The following IL3RA variants were observed in gnomAD, a reference collection of about 807,000 sequenced individuals.
IL3RA encodes the protein interleukin-3 receptor subunit alpha.
IL3RA carries 73 observed loss-of-function variants against 52.3 expected under a neutral mutation model. The observed-to-expected ratio is 1.40, with a 90% confidence interval of 1.16 to 1.70. The LOEUF (loss-of-function observed/expected upper bound fraction) is 1.70. Among genes scored for constraint, IL3RA ranks in the 40% most tolerant of loss-of-function variants. The probability of loss-of-function intolerance (pLI) is 0.00; values close to 1 mark genes in which losing one functional copy is unlikely to be tolerated. For synonymous variants in IL3RA, 260 were observed against 194.0 expected, an observed-to-expected ratio of 1.34 and a Z score of -2.83; for missense variants, 664 against 504.4, an observed-to-expected ratio of 1.32 and a Z score of -3.03.
intron 6 of IL3RA, 75 bp from the exon 7 acceptor site, chrX:1,356,146 G>GAAA: frequency 1.1e-6 from 1 of 919,844 alleles, no homozygotes; most frequent in Non-Finnish European, 1.7e-6. Context: ...AGTATCTCCA[G>GAAA]AAAAAAAAAG....
At chrX:1,353,821 G>C (rs1274929225) in intron 6 of IL3RA, among the ~76,000 whole-genome samples, 4 of 137,582 alleles carry the variant, frequency 2.9e-5, no homozygotes, top group African/African-American at 8.6e-5. Context: ...CCCATCACGG[G>C]TTCCATCATG....
chrX:1,368,152 G>A (rs1288026273), intron 9 of IL3RA, among the ~76,000 whole-genome samples: 8 of 152,218 alleles, frequency 5.3e-5, no homozygotes, highest in Non-Finnish European at 4.4e-5. Context: ...CCAGCTACTC[G>A]GGAGGCTGAG....
intron 6 of IL3RA, among the ~76,000 whole-genome samples, chrX:1,352,775 G>C (rs1245471632): frequency 3.3e-5 from 5 of 152,126 alleles, no homozygotes; most frequent in African/African-American, 1.2e-4. Context: ...TGTTAGAAGG[G>C]CACTAACACC....
At chrX:1,355,080 A>AAGG (rs372236992) in intron 6 of IL3RA, among the ~76,000 whole-genome samples, 7,072 of 10,324 alleles carry the variant, frequency 0.69, 2,863 homozygotes, top group African/African-American at 0.9. Context: ...GGGGAGGAAA[A>AAGG]AGGAGGGGCA....
intron 1 of IL3RA, among the ~76,000 whole-genome samples, chrX:1,338,895 GT>G (rs1329560290): frequency 1.3e-5 from 2 of 152,112 alleles, no homozygotes; most frequent in Non-Finnish European, 2.9e-5. Context: ...CACCTCCCGG[GT>G]TCAAGCAATT....
At chrX:1,361,709 C>T (rs545814622) in intron 8 of IL3RA, among the ~76,000 whole-genome samples, 36 of 144,790 alleles carry the variant, frequency 2.5e-4, no homozygotes, top group East Asian at 8.1e-4. Context: ...GTTGAGATCG[C>T]GCCACTGCAC....
intron 9 of IL3RA, among the ~76,000 whole-genome samples, chrX:1,376,572 T>C (rs1412035454): frequency 7.3e-6 from 1 of 136,742 alleles, no homozygotes; most frequent in South Asian, 2.4e-4. Flanking sequence ...TGAGATGGAC[T>C]AAGACACCTC....
In IL3RA at chrX:1,341,754, G is replaced by A. The variant is rs1163708467; in HGVS notation, c.-12G>A. On this transcript the variant is annotated 5_prime_UTR_variant, in exon 2 of 12. Coordinates refer to ENST00000331035, the MANE Select transcript of IL3RA (RefSeq NM_002183.4). ...AGGCACCTCTGTCCTGCGTTCCGGA[G>A]CTGCGTTCCCGATGGTCCTCCTTTG... 1.2e-6 allele frequency: 2 copies of A among 1,613,820 alleles called. No individual in the cohort carries two copies. Among genetic ancestry groups the A allele is most frequent in the Admixed American group, 1.7e-5 (1 of 60,002 alleles).
At chrX:1,362,890 C>T (rs1407834238) in intron 8 of IL3RA, among the ~76,000 whole-genome samples, 2 of 152,070 alleles carry the variant, frequency 1.3e-5, no homozygotes, top group Non-Finnish European at 2.9e-5. Flanking sequence ...ATTCCCCTGC[C>T]TCAGCCTCCC....
rs747298173 is a variant in IL3RA, at chrX:1,365,283, AGCGGGGTGAGCGGGGTGC to A, written c.874+85_874+102del. The A allele has an allele frequency of 2.0e-3, 2,481 of 1,212,258 alleles. 91 individuals carry two copies. The highest frequency in any genetic ancestry group is 0.017 in the African/African-American group (828 of 47,796). The allele number at this position is 1,212,258 out of a possible 1,614,324, so 75.1% of individuals were successfully genotyped here. A position where few individuals can be genotyped will look rare whatever the true frequency, so the allele number is the denominator to read the frequency against. ...TGGGCTGTGCGGGGTGCGCGGGGTGAGCGGGGTGAGCGGGGTGCGCGGGGTGAGCGGGGTGCGCGGGGT... is the reference window on the plus strand; with the variant it reads ...TGGGCTGTGCGGGGTGCGCGGGGTGAGCGGGGTGAGCGGGGTGCGCGGGGT... On this transcript the variant is annotated intron_variant, in intron 9 of 11. Coordinates refer to ENST00000331035, the MANE Select transcript of IL3RA (RefSeq NM_002183.4).
chrX:1,365,108 C>T (rs1290151748), intron 8 of IL3RA, 30 bp from the exon 9 acceptor site: 5 of 1,535,024 alleles, frequency 3.3e-6, no homozygotes, highest in African/African-American at 2.7e-5. Flanking sequence ...CATACCTGGC[C>T]CCTCTTCTTT....
At chrX:1,377,137 A>G (rs113172772) in intron 9 of IL3RA, among the ~76,000 whole-genome samples, 5,260 of 147,026 alleles carry the variant, frequency 0.036, 258 homozygotes, top group African/African-American at 0.12. Flanking sequence ...CCCAGGAGAG[A>G]GGCCTCAGGA....
rs763407324 is a variant in IL3RA, at chrX:1,378,648, T to A, written c.875-11T>A. The A allele has an allele frequency of 8.1e-6, 13 of 1,610,582 alleles. No homozygotes were observed. The Admixed American group carries it at 1.5e-4, about 19-fold the overall frequency. On this transcript the variant is annotated splice_polypyrimidine_tract_variant and intron_variant, in intron 9 of 11. Transcript: ENST00000331035. Reference sequence around the variant, plus strand: ...CCCCCGGTCTGTGACCCTCTCACCCTTTACCCCTAGAGTGCGACCAGGAGG... The same window carrying A: ...CCCCCGGTCTGTGACCCTCTCACCCATTACCCCTAGAGTGCGACCAGGAGG...
At chrX:1,349,431 C>T (rs765647431) in intron 4 of IL3RA, among the ~76,000 whole-genome samples, 45 of 152,036 alleles carry the variant, frequency 3.0e-4, no homozygotes, top group Admixed American at 2.6e-3. Flanking sequence ...CTGCCCGCCT[C>T]GGCCTCCCAA....
chrX:1,381,169 C>A (rs1307925164), intron 11 of IL3RA, 65 bp downstream of exon 11: 1 of 1,437,270 alleles, frequency 7.0e-7, no homozygotes, highest in South Asian at 1.1e-5. Flanking sequence ...GAGGCCCAGG[C>A]GGGCGGACCA....
intron 8 of IL3RA, among the ~76,000 whole-genome samples, chrX:1,360,207 C>CT (rs1287761457): frequency 2.9e-5 from 4 of 137,254 alleles, no homozygotes; most frequent in South Asian, 4.9e-4. Context: ...CTATTTCCTC[C>CT]CTCCCCATCT....
At chrX:1,361,715 T>C (rs1342055233) in intron 8 of IL3RA, among the ~76,000 whole-genome samples, 3 of 135,490 alleles carry the variant, frequency 2.2e-5, no homozygotes, top group Admixed American at 8.6e-5. Flanking sequence ...ATCGCGCCAC[T>C]GCACTCCAGC....
intron 10 of IL3RA, among the ~76,000 whole-genome samples, chrX:1,378,981 T>G (rs1289507583): frequency 6.6e-6 from 1 of 151,686 alleles, no homozygotes; most frequent in Non-Finnish European, 1.5e-5. Context: ...TAGCTGGGAT[T>G]ACAGGCACCC....
chrX:1,364,431 C>T (rs1202119107), intron 8 of IL3RA, among the ~76,000 whole-genome samples: 2 of 151,998 alleles, frequency 1.3e-5, no homozygotes, highest in African/African-American at 2.4e-5. Flanking sequence ...GCGGAGGTTG[C>T]GGTGAGCCGA....
Sources: gnomAD v4.1 joint callset for allele counts (sites outside exome capture counted in the v4.1 genomes callset) on GRCh38, gnomAD v4.1.1 for gene constraint, MANE v1.5 for transcripts, NCBI Gene and HGNC (gene_info 2026-07-23, HGNC 2026-07-21) for gene names.